Variants in SUMF1 observed in about 807,000 individuals in gnomAD.
The protein encoded by SUMF1 is sulfatase modifying factor 1, also known as formylglycine-generating enzyme.
In SUMF1, 48 loss-of-function variants were observed where a neutral mutation model predicts 47.6. The ratio of observed to expected loss-of-function variants is 1.01; its 90% CI spans 0.80 to 1.28. The LOEUF (loss-of-function observed/expected upper bound fraction) is 1.28. Among genes scored for constraint, SUMF1 ranks in the 50% most tolerant of loss-of-function variants. The pLI is 0.00. For synonymous variants in SUMF1, 230 were observed against 192.1 expected (o/e 1.20, Z -1.63); for missense variants, 571 against 485.4 (o/e 1.18, Z -1.66).
intron 8 of SUMF1, among the ~76,000 whole-genome samples, chr3:4,366,306 G>C (rs1399170150): frequency 6.6e-6 from 1 of 152,210 alleles, no homozygotes; most frequent in Non-Finnish European, 1.5e-5. Flanking sequence ...ATAACCTGCA[G>C]AGTGTTTCCA....
At chr3:4,333,057 G>A (rs1699080482) in intron 8 of SUMF1, among the ~76,000 whole-genome samples, 2 of 152,148 alleles carry the variant, frequency 1.3e-5, no homozygotes, top group Admixed American at 1.3e-4. Flanking sequence ...CATCCATCCT[G>A]CTGAGAGCCA....
In SUMF1 at chr3:4,110,028, G is replaced by T. The variant is rs1370050057; in HGVS notation, c.1015-41283C>A. On this transcript the variant is annotated intron_variant and NMD_transcript_variant, in intron 8 of 12. Coordinates refer to the SUMF1 transcript ENST00000448413. ...GATTTTTAGAGTTTCCAGTTTTTCT[G>T]CTCTGTTTTTTCCCCATCTTTGTGG... Among the ~76,000 whole-genome samples, 5 of 152,040 alleles carry T rather than the reference G, an allele frequency of 3.3e-5. No homozygotes were observed. The East Asian group carries it at 9.6e-4, about 29-fold the overall frequency.
At chr3:4,214,312 C>G (rs2629260) in intron 8 of SUMF1, among the ~76,000 whole-genome samples, 105,402 of 152,002 alleles carry the variant, frequency 0.69, 38,172 homozygotes, top group African/African-American at 0.92. Flanking sequence ...AATGACTACT[C>G]AGTAAATAAC....
intron 8 of SUMF1, among the ~76,000 whole-genome samples, chr3:4,107,893 C>T (rs1408450499): frequency 1.3e-5 from 2 of 152,000 alleles, no homozygotes; most frequent in Non-Finnish European, 2.9e-5. Context: ...TCAACCAAAG[C>T]AAACTACTAA....
chr3:4,129,768 G>A (rs1693742485), intron 8 of SUMF1, among the ~76,000 whole-genome samples: 1 of 152,082 alleles, frequency 6.6e-6, no homozygotes, highest in Non-Finnish European at 1.5e-5. Flanking sequence ...ACGTCATTGT[G>A]GTCCTCCAGT....
At position 4,394,711 on chromosome 3, in the gene SUMF1, T is replaced by A. The variant is rs113307542; in HGVS notation, c.954+16154A>T. ...AGCAATAGCCATAGTGTTTTTATTC[T>A]CAGAAGACTGATACAAGGGATCCAG... is the stretch of plus-strand genomic sequence containing the variant. On this transcript the variant is annotated intron_variant, in intron 7 of 8. Coordinates refer to ENST00000272902, the MANE Select transcript of SUMF1 (RefSeq NM_182760.4). 1.5e-3 allele frequency among the ~76,000 whole-genome samples: 234 copies of A among 152,250 alleles called. 1 individual carries two copies. The highest frequency in any genetic ancestry group is 5.4e-3 in the African/African-American group (226 of 41,542).
chr3:4,219,356 G>C (rs936975308), intron 8 of SUMF1, among the ~76,000 whole-genome samples: 6 of 152,174 alleles, frequency 3.9e-5, no homozygotes, highest in Non-Finnish European at 7.3e-5. Context: ...GCTCAGGGAA[G>C]TGAAGTGGCT....
chr3:4,075,628 TAAC>T (rs1692415783), intron 8 of SUMF1, among the ~76,000 whole-genome samples: 1 of 152,058 alleles, frequency 6.6e-6, no homozygotes, highest in African/African-American at 2.4e-5. Context: ...AGCTGATGAG[TAAC>T]TTCAGCAAAG....
At chr3:4,422,293 G>A (rs1298793725) in intron 3 of SUMF1, among the ~76,000 whole-genome samples, 4 of 152,046 alleles carry the variant, frequency 2.6e-5, no homozygotes, top group African/African-American at 9.7e-5. Flanking sequence ...TGTGTTTCAG[G>A]AGGATCCTCA....
At chr3:4,147,985 T>G (rs953385709) in intron 8 of SUMF1, among the ~76,000 whole-genome samples, 1 of 152,132 alleles carries the variant, frequency 6.6e-6, no homozygotes, top group African/African-American at 2.4e-5. Flanking sequence ...TTTAGCTCTA[T>G]TCAGGGAAAT....
chr3:4,084,554 C>T (rs543257789), intron 8 of SUMF1, among the ~76,000 whole-genome samples: 37 of 152,154 alleles, frequency 2.4e-4, no homozygotes, highest in Non-Finnish European at 4.7e-4. Flanking sequence ...CAAAGCATTT[C>T]CAGAACCAAG....
chr3:4,318,240 A>G (rs775074350), intron 8 of SUMF1, among the ~76,000 whole-genome samples: 3 of 152,230 alleles, frequency 2.0e-5, no homozygotes, highest in Non-Finnish European at 2.9e-5. Flanking sequence ...ATATCAAAAG[A>G]ATTATACACT....
chr3:4,220,149 G>C (rs572429887), intron 8 of SUMF1, among the ~76,000 whole-genome samples: 10 of 151,936 alleles, frequency 6.6e-5, no homozygotes, highest in African/African-American at 2.4e-4. Context: ...CTTCACCCAG[G>C]CTCCATTAGA....
At chr3:4,253,935 C>T (rs965822372) in intron 8 of SUMF1, among the ~76,000 whole-genome samples, 3 of 150,450 alleles carry the variant, frequency 2.0e-5, no homozygotes, top group Non-Finnish European at 3.0e-5. Flanking sequence ...CAGACTGCCT[C>T]CTCAAGTGGG....
At chr3:4,384,483 C>T (rs2124896402) in intron 7 of SUMF1, among the ~76,000 whole-genome samples, 1 of 152,304 alleles carries the variant, frequency 6.6e-6, no homozygotes, top group East Asian at 1.9e-4. Context: ...CTTCCCAACC[C>T]CAACCCCTTC....
intron 8 of SUMF1, among the ~76,000 whole-genome samples, chr3:4,205,364 G>A (rs1039708077): frequency 3.3e-5 from 5 of 152,070 alleles, no homozygotes; most frequent in Admixed American, 1.3e-4. Flanking sequence ...GACTCAGCCC[G>A]CCTGCACCCA....
At chr3:4,052,943 C>T (rs1181318848) in intron 9 of SUMF1, among the ~76,000 whole-genome samples, 3 of 152,174 alleles carry the variant, frequency 2.0e-5, no homozygotes, top group African/African-American at 2.4e-5. Flanking sequence ...TTCACTAGAG[C>T]GGCACTTTTA....
intron 8 of SUMF1, among the ~76,000 whole-genome samples, chr3:4,332,973 G>A (rs1224170388): frequency 6.6e-6 from 1 of 152,146 alleles, no homozygotes; most frequent in East Asian, 1.9e-4. Flanking sequence ...GAGTTTGGCT[G>A]GGGAGAATCG....
At position 4,292,584 on chromosome 3, in the gene SUMF1, T is replaced by G. The variant is rs145118772; in HGVS notation, c.1014+83746A>C. ...TTACCCACCAGCTGTCACCAACAAG[T>G]TAGCTATACTTTGTACTTTCCCTTT... On this transcript the variant is annotated intron_variant and NMD_transcript_variant, in intron 8 of 12. Transcript: ENST00000448413. Among the ~76,000 whole-genome samples, 5 of 152,314 alleles carry G rather than the reference T, an allele frequency of 3.3e-5. No individual in the cohort carries two copies. In the East Asian group the frequency reaches 9.6e-4, roughly 29 times the overall value.
Sources: gnomAD v4.1 joint callset for allele counts (sites outside exome capture counted in the v4.1 genomes callset) on GRCh38, gnomAD v4.1.1 for gene constraint, MANE v1.5 for transcripts, NCBI Gene and HGNC (gene_info 2026-07-23, HGNC 2026-07-21) for gene names.